Variants in DIPK1A observed in about 807,000 individuals in gnomAD.
The protein encoded by DIPK1A is family with sequence similarity 69 member A.
DIPK1A carries 27 observed loss-of-function variants against 40.8 expected under a neutral mutation model. That is an observed-to-expected ratio of 0.66 (90% CI 0.49 to 0.91). DIPK1A has a LOEUF of 0.91. Ranked by LOEUF, DIPK1A falls within the 40% of genes least tolerant of loss-of-function variation. DIPK1A has a pLI of 0.00. For missense variants in DIPK1A, 412 were observed against 505.7 expected (o/e 0.81, Z 1.78); for synonymous variants, 166 against 171.3 (o/e 0.97, Z 0.24).
chr1:92,911,219 A>C (rs1649812209), intron 1 of DIPK1A, among the ~76,000 whole-genome samples: 1 of 152,208 alleles, frequency 6.6e-6, no homozygotes, highest in Admixed American at 6.5e-5. Flanking sequence ...GAGGTGACTA[A>C]AACATGGGGG....
rs1687419164 is a variant in DIPK1A, at chr1:92,842,591, ATTTAT to A, written c.*787_*791del. The A allele has an allele frequency of 2.1e-6, 2 of 957,678 alleles. No homozygotes were observed. The highest frequency in any genetic ancestry group is 1.0e-4 in the South Asian group (2 of 19,374). The allele number at this position is 957,678 out of a possible 1,614,324, so 59.3% of individuals were successfully genotyped here. On this transcript the variant is annotated 3_prime_UTR_variant, in exon 5 of 5. Transcript: ENST00000370310. The stretch of plus-strand genomic sequence containing the variant: ...AGTTATTACTAAAAAGTCTGCTATA[ATTTAT>A]TTTAGTCTTGCACTTACAGTCCCAC...
chr1:92,897,583 CCAA>C (rs1332779360), intron 1 of DIPK1A, among the ~76,000 whole-genome samples: 2 of 152,082 alleles, frequency 1.3e-5, no homozygotes, highest in Non-Finnish European at 2.9e-5. Flanking sequence ...GTGCAGCACA[CCAA>C]CGTGGCACAT....
At chr1:92,940,393 T>C (rs1047271124) in intron 1 of DIPK1A, among the ~76,000 whole-genome samples, 2 of 152,244 alleles carry the variant, frequency 1.3e-5, no homozygotes, top group African/African-American at 2.4e-5. Flanking sequence ...CATCTTAACA[T>C]AGTACAACAC....
intron 1 of DIPK1A, among the ~76,000 whole-genome samples, chr1:92,888,983 A>AT (rs1236730109): frequency 1.3e-5 from 2 of 151,984 alleles, no homozygotes; most frequent in Non-Finnish European, 2.9e-5. Context: ...CACTCTGTTG[A>AT]TTTTTTTCCT....
intron 1 of DIPK1A, among the ~76,000 whole-genome samples, chr1:92,913,281 T>C (rs1325854707): frequency 3.3e-5 from 5 of 152,172 alleles, no homozygotes; most frequent in African/African-American, 4.8e-5. Flanking sequence ...AAGCTACTGA[T>C]TGCTTCAACC....
rs771195669 is a variant in DIPK1A at position 92,847,224 on chromosome 1, T to A, written c.433A>T (p.Thr145Ser). ...VLFDKPTRGT[T>S]VQKFKEMVYS... is the part of the protein sequence containing the mutation. ...ACCATTTCTTTAAATTTTTGTACAG[T>A]AGTTCCTCTAGTTGGCTTATCAAAT... Residue 145 changes from threonine to serine, a missense_variant, in exon 4 of 5, where the codon ACT (threonine) becomes TCT (serine). Transcript: ENST00000370310. 1.3e-6 allele frequency: 2 copies of A among 1,599,762 alleles called. No individual in the cohort carries two copies. The highest frequency in any genetic ancestry group is 1.7e-6 in the Non-Finnish European group (2 of 1,172,308).
chr1:92,847,716 A>G (rs571946149), intron 3 of DIPK1A, among the ~76,000 whole-genome samples: 7 of 152,170 alleles, frequency 4.6e-5, no homozygotes, highest in Non-Finnish European at 1.0e-4. Flanking sequence ...AATATTATAT[A>G]GTGTTAACTA....
chr1:92,848,022 G>T (rs2244005), intron 3 of DIPK1A, among the ~76,000 whole-genome samples: 2 of 152,066 alleles, frequency 1.3e-5, no homozygotes, highest in Non-Finnish European at 2.9e-5. Context: ...TAGGTATGAG[G>T]CACCACACCT....
chr1:92,959,302 G>A (rs917271600), intron 1 of DIPK1A, among the ~76,000 whole-genome samples: 25 of 151,788 alleles, frequency 1.6e-4, no homozygotes, highest in African/African-American at 6.0e-4. Flanking sequence ...ATAAATAAAT[G>A]AATAAATAAA....
chr1:92,912,003 CAAAAAAAAAA>C (rs5776162), intron 1 of DIPK1A, among the ~76,000 whole-genome samples: 6 of 43,672 alleles, frequency 1.4e-4, no homozygotes, highest in Non-Finnish European at 1.8e-4. Context: ...GACTCCATCT[CAAAAAAAAAA>C]AAAAAAAAAA....
chr1:92,843,932 T>C lies in DIPK1A; in HGVS notation c.738A>G (p.Glu246=), dbSNP rs915651015. ...TTCTGAACCCAGATGGAATAAAAAGTTCAATGACCCAAGGAAGGCTTATTC... is the reference window on the plus strand; with the variant it reads ...TTCTGAACCCAGATGGAATAAAAAGCTCAATGACCCAAGGAAGGCTTATTC... ...LYGISLPWVI[E]LFIPSGFRRS... The change falls in exon 5 of 5, where the codon GAA becomes GAG. Residue 246 remains glutamate (E), a synonymous_variant. Coordinates refer to ENST00000370310, the MANE Select transcript of DIPK1A (RefSeq NM_001006605.5). The C allele has an allele frequency of 1.9e-6, 3 of 1,551,640 alleles. No homozygotes were observed. Among genetic ancestry groups the C allele is most frequent in the African/African-American group, 2.7e-5 (2 of 73,018 alleles).
At chr1:92,902,102 A>G (rs980114629) in intron 1 of DIPK1A, among the ~76,000 whole-genome samples, 7 of 152,140 alleles carry the variant, frequency 4.6e-5, no homozygotes, top group Non-Finnish European at 1.0e-4. Flanking sequence ...CCTGGGATGC[A>G]GGATGCCACT....
Position 92,842,948 on chromosome 1 carries a change from C to T in DIPK1A, c.*435G>A. Reference sequence around the variant, plus strand: ...TTAACCTGCTTTGCAGTCTTAATTTCTGTTAATGTGCAAACTTTACCATGC... The same window carrying T: ...TTAACCTGCTTTGCAGTCTTAATTTTTGTTAATGTGCAAACTTTACCATGC... On this transcript the variant is annotated 3_prime_UTR_variant, in exon 5 of 5. Transcript: ENST00000370310. 1.0e-6 allele frequency: 1 copy of T among 989,408 alleles called. No individual in the cohort carries two copies. The highest frequency in any genetic ancestry group is 5.2e-4 in the Middle Eastern group (1 of 1,918). The allele number at this position is 989,408 out of a possible 1,614,324, so 61.3% of individuals were successfully genotyped here.
At chr1:92,858,488 G>A (rs1315854904) in intron 2 of DIPK1A, among the ~76,000 whole-genome samples, 4 of 152,068 alleles carry the variant, frequency 2.6e-5, no homozygotes, top group African/African-American at 4.8e-5. Flanking sequence ...TTCCGTAAAT[G>A]TTTATTAAAT....
chr1:92,905,294 A>G (rs996192720), intron 1 of DIPK1A, among the ~76,000 whole-genome samples: 8 of 152,110 alleles, frequency 5.3e-5, no homozygotes, highest in African/African-American at 1.9e-4. Context: ...GTTCCTTTTT[A>G]TCTACATCCT....
chr1:92,840,209 CTG>C (rs1391685443), downstream of DIPK1A: 1 of 292,744 alleles, frequency 3.4e-6, no homozygotes, highest in Non-Finnish European at 6.6e-6. Flanking sequence ...ACAGGTCTCA[CTG>C]TGTTGCCTTA....
In DIPK1A at chr1:92,899,168, C is replaced by T. The variant is rs151319567; in HGVS notation, c.55-22738G>A. On this transcript the variant is annotated intron_variant, in intron 1 of 4. Coordinates refer to ENST00000370310, the MANE Select transcript of DIPK1A (RefSeq NM_001006605.5). The stretch of plus-strand genomic sequence containing the variant: ...CTGAAACCCCCAACTTTTATTGTAT[C>T]AGACTCTATCTCTCCATTTAGATCA... 4.9e-4 allele frequency among the ~76,000 whole-genome samples: 74 copies of T among 152,216 alleles called. No individual in the cohort carries two copies. In the East Asian group the frequency reaches 8.5e-3, roughly 17 times the overall value.
intron 1 of DIPK1A, among the ~76,000 whole-genome samples, chr1:92,898,941 A>G (rs1162724264): frequency 6.6e-6 from 1 of 152,020 alleles, no homozygotes; most frequent in Non-Finnish European, 1.5e-5. Context: ...TTGCTTTTTA[A>G]TGTTTTTGTA....
At chr1:92,895,983 C>T (rs957506259) in intron 1 of DIPK1A, among the ~76,000 whole-genome samples, 4 of 151,990 alleles carry the variant, frequency 2.6e-5, no homozygotes, top group African/African-American at 9.7e-5. Flanking sequence ...AATTACAAAC[C>T]ACTGCTCAAG....
Sources: allele counts gnomAD v4.1 joint callset (sites outside exome capture counted in the v4.1 genomes callset), GRCh38; gene constraint gnomAD v4.1.1; transcripts MANE v1.5; gene names NCBI Gene and HGNC (gene_info 2026-07-23, HGNC 2026-07-21).